PCDH11X: variants seen among roughly 807,000 people sequenced by gnomAD.
The protein encoded by PCDH11X is protocadherin 11 X-linked.
PCDH11X carries 18 observed loss-of-function variants against 53.3 expected under a neutral mutation model. The ratio of observed to expected loss-of-function variants is 0.34; its 90% CI spans 0.23 to 0.50. PCDH11X has a LOEUF of 0.50. Ranked by LOEUF, PCDH11X falls within the 20% of genes least tolerant of loss-of-function variation. The probability of loss-of-function intolerance (pLI) is 0.98; values close to 1 mark genes in which losing one functional copy is unlikely to be tolerated. For synonymous variants in PCDH11X, 279 were observed against 393.3 expected, an observed-to-expected ratio of 0.71 and a Z score of 3.44; for missense variants, 570 against 1,032.4, an observed-to-expected ratio of 0.55 and a Z score of 6.14.
At chrX:92,259,509 C>T (rs1489449643) in intron 7 of PCDH11X, among the ~76,000 whole-genome samples, 1 of 111,109 alleles carries the variant, frequency 9.0e-6, no homozygotes, top group Non-Finnish European at 1.9e-5. Flanking sequence ...CATGATAACT[C>T]ACTCACTATC....
chrX:92,176,275 G>A (rs1401135409), intron 6 of PCDH11X, among the ~76,000 whole-genome samples: 2 of 111,626 alleles, frequency 1.8e-5, no homozygotes, highest in East Asian at 2.8e-4. Flanking sequence ...TGGATTTCAC[G>A]AGGGCTTTAA....
At chrX:91,866,123 A>G (rs1341727368) in intron 5 of PCDH11X, among the ~76,000 whole-genome samples, 1 of 110,904 alleles carries the variant, frequency 9.0e-6, no homozygotes, top group Non-Finnish European at 1.9e-5. Flanking sequence ...TCCGGGATGT[A>G]AAAGAGAGAC....
At chrX:91,822,776 T>C (rs1450520140) in intron 4 of PCDH11X, among the ~76,000 whole-genome samples, 8 of 111,715 alleles carry the variant, frequency 7.2e-5, no homozygotes, top group Non-Finnish European at 1.3e-4. Flanking sequence ...AGGGTGTCAA[T>C]TTTGGATCTT....
chrX:92,613,545 TTGTGTGTGTGTG>T (rs201132708), intron 10 of PCDH11X, among the ~76,000 whole-genome samples: 2 of 65,524 alleles, frequency 3.1e-5, no homozygotes, highest in East Asian at 4.3e-4. Flanking sequence ...GTTGTTGTTG[TTGTGTGTGTGTG>T]TGTGTGTGTG....
intron 6 of PCDH11X, among the ~76,000 whole-genome samples, chrX:92,157,600 G>A (rs1262203663): frequency 1.8e-5 from 2 of 111,466 alleles, no homozygotes; most frequent in Non-Finnish European, 3.8e-5. Flanking sequence ...CTGGCAATAC[G>A]TTAGTTTTTG....
At chrX:91,848,001 A>T (rs1312120688) in intron 5 of PCDH11X, among the ~76,000 whole-genome samples, 4 of 111,587 alleles carry the variant, frequency 3.6e-5, no homozygotes, top group African/African-American at 1.3e-4. Context: ...CTAAACAAGT[A>T]AAGTTTTCAG....
intron 7 of PCDH11X, among the ~76,000 whole-genome samples, chrX:92,218,721 A>G (rs2066782549): frequency 1.8e-5 from 2 of 111,624 alleles, no homozygotes; most frequent in African/African-American, 6.5e-5. Context: ...TCCTGATACC[A>G]AAGCCTGACA....
chrX:92,283,918 T>G (rs1423409453), intron 8 of PCDH11X, among the ~76,000 whole-genome samples: 1 of 111,885 alleles, frequency 8.9e-6, no homozygotes, highest in Non-Finnish European at 1.9e-5. Flanking sequence ...ACAATGTTCA[T>G]TAATGGACTT....
At chrX:92,311,107 C>T (rs746127519) in intron 8 of PCDH11X, among the ~76,000 whole-genome samples, 2 of 111,281 alleles carry the variant, frequency 1.8e-5, no homozygotes, top group Admixed American at 1.9e-4. Flanking sequence ...ATATATAAAA[C>T]ATTTAAGAAC....
At chrX:92,431,447 G>A (rs1479032923) in intron 9 of PCDH11X, among the ~76,000 whole-genome samples, 1 of 110,394 alleles carries the variant, frequency 9.1e-6, no homozygotes, top group African/African-American at 3.3e-5. Context: ...CTCAATTTTT[G>A]TTTTTGACAA....
chrX:92,159,382 T>C (rs2065596871), intron 6 of PCDH11X, among the ~76,000 whole-genome samples: 1 of 106,628 alleles, frequency 9.4e-6, no homozygotes, highest in Non-Finnish European at 1.9e-5. Flanking sequence ...ATCTATGAAT[T>C]CTTTGTATAG....
chrX:91,931,297 A>G (rs1244475563), intron 6 of PCDH11X, among the ~76,000 whole-genome samples: 2 of 110,927 alleles, frequency 1.8e-5, no homozygotes, highest in Non-Finnish European at 3.8e-5. Context: ...AACTATTTGC[A>G]TGTTGGTCTG....
intron 6 of PCDH11X, among the ~76,000 whole-genome samples, chrX:91,980,673 G>A (rs372090000): frequency 9.4e-5 from 10 of 106,152 alleles, no homozygotes; most frequent in Admixed American, 4.2e-4. Context: ...GAGCTCAACA[G>A]ATCATCCCGC....
At chrX:91,965,036 C>T (rs1208797408) in intron 6 of PCDH11X, among the ~76,000 whole-genome samples, 4 of 110,001 alleles carry the variant, frequency 3.6e-5, no homozygotes, top group Non-Finnish European at 7.5e-5. Flanking sequence ...TTTAACAATG[C>T]GTGAAAAAAG....
intron 8 of PCDH11X, among the ~76,000 whole-genome samples, chrX:92,321,390 G>C (rs1396265609): frequency 9.2e-6 from 1 of 108,442 alleles, no homozygotes; most frequent in African/African-American, 3.4e-5. Flanking sequence ...TAGAGACGGG[G>C]TTTCACCATG....
intron 9 of PCDH11X, among the ~76,000 whole-genome samples, chrX:92,444,908 C>T (rs1471866738): frequency 1.2e-4 from 11 of 93,994 alleles, no homozygotes; most frequent in Admixed American, 2.4e-4. Context: ...TGAATAATGC[C>T]TATTCAATCA....
At chrX:92,479,739 G>A (rs1158898306) in intron 10 of PCDH11X, among the ~76,000 whole-genome samples, 1 of 106,181 alleles carries the variant, frequency 9.4e-6, no homozygotes. Flanking sequence ...GTATGATGGG[G>A]TTCTCTTTTT....
chrX:92,509,180 C>G, intron 10 of PCDH11X, among the ~76,000 whole-genome samples: 1 of 106,787 alleles, frequency 9.4e-6, no homozygotes. Flanking sequence ...TGTCACATAC[C>G]ATCAATTGGA....
chrX:92,093,660 C>A (rs2064084839), intron 6 of PCDH11X, among the ~76,000 whole-genome samples: 1 of 111,127 alleles, frequency 9.0e-6, no homozygotes, highest in Admixed American at 9.6e-5. Context: ...GCATGCTCAG[C>A]CCTTTTAATG....
Sources: gnomAD v4.1 joint callset for allele counts (sites outside exome capture counted in the v4.1 genomes callset) on GRCh38, gnomAD v4.1.1 for gene constraint, MANE v1.5 for transcripts, NCBI Gene and HGNC (gene_info 2026-07-23, HGNC 2026-07-21) for gene names.